LPP: variants seen among roughly 807,000 people sequenced by gnomAD.
LPP encodes lipoma-preferred partner.
A neutral mutation model predicts 60.4 loss-of-function variants in LPP; 38 were observed. The ratio of observed to expected loss-of-function variants is 0.63; its 90% CI spans 0.49 to 0.83. The LOEUF (loss-of-function observed/expected upper bound fraction) is 0.83. LPP is among the 40% of genes least tolerant of loss of function. The pLI is 0.00. For synonymous variants in LPP, 328 were observed against 290.8 expected (o/e 1.13, Z -1.30); for missense variants, 902 against 783.6 (o/e 1.15, Z -1.80).
At chr3:188,490,727 A>G (rs1009667154) in intron 5 of LPP, among the ~76,000 whole-genome samples, 1 of 145,188 alleles carries the variant, frequency 6.9e-6, no homozygotes, top group African/African-American at 2.5e-5. Flanking sequence ...AATCAATTCA[A>G]GTTTTAGCAA....
chr3:188,198,660 G>T (rs1036130013), intron 1 of LPP, among the ~76,000 whole-genome samples: 6 of 152,146 alleles, frequency 3.9e-5, no homozygotes, highest in Admixed American at 1.3e-4. Context: ...AGAGCGACTG[G>T]GGCTGTTGGG....
At chr3:188,636,502 C>G (rs1451593515) in intron 7 of LPP, among the ~76,000 whole-genome samples, 2 of 152,198 alleles carry the variant, frequency 1.3e-5, no homozygotes, top group Non-Finnish European at 2.9e-5. Context: ...ATTGCCCAGA[C>G]TTGCTTAGGT....
intron 9 of LPP, among the ~76,000 whole-genome samples, chr3:188,771,549 CAAAAAAAAAAA>C (rs66712771): frequency 1.8e-5 from 2 of 108,924 alleles, no homozygotes; most frequent in Non-Finnish European, 1.7e-5. Context: ...GACTCCATCT[CAAAAAAAAAAA>C]AAAAAAGAAA....
intron 2 of LPP, among the ~76,000 whole-genome samples, chr3:188,288,385 C>T (rs1033586607): frequency 6.6e-6 from 1 of 152,172 alleles, no homozygotes; most frequent in Admixed American, 6.5e-5. Flanking sequence ...AAACCTCACA[C>T]CAGTCCCGTG....
intron 4 of LPP, among the ~76,000 whole-genome samples, chr3:188,417,849 G>C (rs914100469): frequency 1.3e-5 from 2 of 152,138 alleles, no homozygotes; most frequent in African/African-American, 4.8e-5. Flanking sequence ...ATTTCAGGCA[G>C]CTTTTTTTAC....
chr3:188,357,610 C>A (rs77983500), intron 3 of LPP, among the ~76,000 whole-genome samples: 6,778 of 152,120 alleles, frequency 0.045, 224 homozygotes, highest in East Asian at 0.17. Context: ...AGATATTTAT[C>A]CAAAATTCTG....
At chr3:188,762,015 T>TC (rs1732524961) in intron 9 of LPP, among the ~76,000 whole-genome samples, 1 of 151,266 alleles carries the variant, frequency 6.6e-6, no homozygotes, top group Non-Finnish European at 1.5e-5. Context: ...TGCTGTGTTT[T>TC]TTTATAGCTC....
chr3:188,646,087 G>T (rs1267108970), intron 7 of LPP, among the ~76,000 whole-genome samples: 2 of 152,112 alleles, frequency 1.3e-5, no homozygotes, highest in Admixed American at 6.5e-5. Flanking sequence ...GTAAAATGAA[G>T]AAAATATTTT....
Position 188,654,532 on chromosome 3 carries a change from T to TTGTGTG in LPP, c.1113+44702_1113+44707dup. ...AGACAATTAACTCTTTTTCTCTGTG[T>TTGTGTG]TGTGTGTGTGTGTGTGTGTATGCGT... On this transcript the variant is annotated intron_variant, in intron 7 of 11. Coordinates refer to ENST00000617246, the MANE Select transcript of LPP (RefSeq NM_001375462.1). Among the ~76,000 whole-genome samples the TTGTGTG allele has an allele frequency of 2.0e-5, 3 of 150,610 alleles. No homozygotes were observed. The South Asian group carries it at 6.3e-4, about 31-fold the overall frequency.
At chr3:188,283,822 C>T (rs1046094026) in intron 2 of LPP, among the ~76,000 whole-genome samples, 1 of 151,872 alleles carries the variant, frequency 6.6e-6, no homozygotes, top group African/African-American at 2.4e-5. Context: ...TACTAAAATA[C>T]AAAAATTAGC....
chr3:188,774,535 G>A lies in LPP; in HGVS notation c.1410+14253G>A, dbSNP rs908606562. ...CACCCAAAGCAATACCTCTCACTTT[G>A]GGGAGTATTTAGTACATTTTTTAAA... On this transcript the variant is annotated intron_variant, in intron 9 of 11. Transcript: ENST00000617246. Among the ~76,000 whole-genome samples the A allele has an allele frequency of 2.0e-5, 3 of 151,900 alleles. 1 individual carries two copies. The highest frequency in any genetic ancestry group is 2.0e-4 in the Admixed American group (3 of 15,240).
chr3:188,693,891 A>G (rs917342089), intron 7 of LPP, among the ~76,000 whole-genome samples: 8 of 152,158 alleles, frequency 5.3e-5, no homozygotes, highest in African/African-American at 1.9e-4. Context: ...GAATTAAACG[A>G]ATATTGAATT....
intron 5 of LPP, among the ~76,000 whole-genome samples, chr3:188,490,561 G>A (rs527600259): frequency 3.3e-5 from 5 of 151,150 alleles, no homozygotes; most frequent in African/African-American, 9.7e-5. Context: ...ATGGGGTTTC[G>A]CCACACAGGC....
intron 1 of LPP, among the ~76,000 whole-genome samples, chr3:188,157,462 A>C (rs1270160296): frequency 6.6e-6 from 1 of 152,072 alleles, no homozygotes; most frequent in Non-Finnish European, 1.5e-5. Flanking sequence ...GATTTTGTAC[A>C]CGGGTAGAGT....
chr3:188,750,065 C>G (rs781649275), intron 8 of LPP, among the ~76,000 whole-genome samples: 20 of 152,168 alleles, frequency 1.3e-4, no homozygotes, highest in Admixed American at 2.6e-4. Context: ...GAGGGCTACT[C>G]TCTGTTTCCA....
chr3:188,581,485 G>A (rs950961906), intron 6 of LPP, among the ~76,000 whole-genome samples: 3 of 152,072 alleles, frequency 2.0e-5, no homozygotes, highest in Non-Finnish European at 4.4e-5. Context: ...TTGAAGGTTA[G>A]AGACATTCGA....
chr3:188,563,425 T>A (rs1264840080), intron 6 of LPP, among the ~76,000 whole-genome samples: 1 of 151,544 alleles, frequency 6.6e-6, no homozygotes, highest in Non-Finnish European at 1.5e-5. Context: ...TTTCCAAGCA[T>A]GTATCTATAC....
At chr3:188,779,613 G>A (rs1239490094) in intron 9 of LPP, among the ~76,000 whole-genome samples, 1 of 151,466 alleles carries the variant, frequency 6.6e-6, no homozygotes. Flanking sequence ...TTTGCAAAGT[G>A]ATTTTGCAAT....
At chr3:188,476,590 C>CTA (rs1803290274) in intron 4 of LPP, among the ~76,000 whole-genome samples, 1 of 152,244 alleles carries the variant, frequency 6.6e-6, no homozygotes, top group South Asian at 2.1e-4. Context: ...GCTGGTTTCC[C>CTA]TATACTATTA....
Sources: gnomAD v4.1 joint callset for allele counts (sites outside exome capture counted in the v4.1 genomes callset) on GRCh38, gnomAD v4.1.1 for gene constraint, MANE v1.5 for transcripts, NCBI Gene and HGNC (gene_info 2026-07-23, HGNC 2026-07-21) for gene names.